SHISA8: variants seen among roughly 807,000 people sequenced by gnomAD.
SHISA8 encodes the protein protein shisa-8.
In SHISA8, 21 loss-of-function variants were observed where a neutral mutation model predicts 21.1. The ratio of observed to expected loss-of-function variants is 0.99; its 90% CI spans 0.71 to 1.43. SHISA8 has a LOEUF of 1.43. Ranked by LOEUF, SHISA8 falls within the 40% of genes most tolerant of loss-of-function variation. The probability of loss-of-function intolerance (pLI) is 0.00; values close to 1 mark genes in which losing one functional copy is unlikely to be tolerated. For missense variants in SHISA8, 535 were observed against 599.1 expected (o/e 0.89, Z 1.12); for synonymous variants, 300 against 291.4 (o/e 1.03, Z -0.30).
intron 1 of SHISA8, among the ~76,000 whole-genome samples, chr22:41,912,686 A>G (rs1171188916): frequency 1.3e-5 from 2 of 152,134 alleles, no homozygotes; most frequent in Non-Finnish European, 2.9e-5. Flanking sequence ...ACACACCCAC[A>G]CACAAGCCTA....
At chr22:41,913,461 A>G (rs2077564615) in intron 1 of SHISA8, among the ~76,000 whole-genome samples, 1 of 152,182 alleles carries the variant, frequency 6.6e-6, no homozygotes, top group African/African-American at 2.4e-5. Context: ...GTTCCAACCG[A>G]GGAAGGGGAC....
rs2077537592 is a variant in SHISA8 at position 41,910,018 on chromosome 22, G to C, written c.941C>G (p.Pro314Arg). ...CGGCGCGGCAGGGGGCGCGTAGACCGGCGGGGCCCAGGGGCAGGCGTCCAG... is the reference window on the plus strand; with the variant it reads ...CGGCGCGGCAGGGGGCGCGTAGACCCGCGGGGCCCAGGGGCAGGCGTCCAG... Reference protein sequence around the residue: ...APLDACPWAPPVYAPPAAPGP... With the variant: ...APLDACPWAPRVYAPPAAPGP... Residue 314 changes from proline to arginine, a missense_variant, in exon 4 of 4, where the codon CCG (proline) becomes CGG (arginine). By Grantham distance (103) the Pro-to-Arg change is moderately radical. Transcript: ENST00000621082. The surrounding 1 kb of genome is among the most constrained non-coding windows in gnomAD (Gnocchi z 6.8). 7.0e-6 allele frequency: 9 copies of C among 1,277,154 alleles called. No homozygotes were observed. The highest frequency in any genetic ancestry group is 8.8e-6 in the Non-Finnish European group (9 of 1,019,266). 79.1% of individuals were successfully genotyped at this position (1,277,154 alleles called of 1,614,324 possible). A position where few individuals can be genotyped will look rare whatever the true frequency, so the allele number is the denominator to read the frequency against.
Position 41,910,586 on chromosome 22 carries a change from GA to G in SHISA8, c.665-33del. ...CGAGGAGTGAGACGCGGCTCGGTCC[GA>G]TGCCCCGGTTCACTCCGCCCTCGCT... On this transcript the variant is annotated intron_variant, in intron 2 of 3. Transcript: ENST00000621082. This position sits in a 1 kb window ranked among gnomAD's most constrained non-coding sequence, Gnocchi z 6.8. 1 of 1,218,814 alleles carries G rather than the reference GA, an allele frequency of 8.2e-7. No homozygotes were observed. Among genetic ancestry groups the G allele is most frequent in the East Asian group, 3.3e-5 (1 of 30,360 alleles). The allele number at this position is 1,218,814 out of a possible 1,614,324, so 75.5% of individuals were successfully genotyped here.
Position 41,909,623 on chromosome 22 carries a change from G to A in SHISA8, c.*142C>T. The A allele has an allele frequency of 1.5e-5, 17 of 1,145,564 alleles. No individual in the cohort carries two copies. The highest frequency in any genetic ancestry group is 3.2e-5 in the African/African-American group (2 of 61,888). 71.0% of individuals were successfully genotyped at this position (1,145,564 alleles called of 1,614,324 possible). ...GGGCTTATTTACAAGACGAACCCGC[G>A]GCCTGCAGGCTCCAAGACACCACTG... On this transcript the variant is annotated 3_prime_UTR_variant, in exon 4 of 4. Coordinates refer to ENST00000621082, the MANE Select transcript of SHISA8 (RefSeq NM_001207020.3).
In SHISA8 at chr22:41,914,406, A is replaced by G; in HGVS notation, c.262T>C (p.Cys88Arg). The part of the protein sequence containing the change: ...SGAYSFCCGT[C>R]GYRFCCHDGP... ...TCGTGGCAGCAGAAGCGGTAGCCGC[A>G]CGTGCCGCAGCAGAAGCTGTAGGCT... Residue 88 changes from cysteine (C) to arginine (R), a missense_variant, in exon 1 of 4, where the codon TGC becomes CGC. Coordinates refer to ENST00000621082, the MANE Select transcript of SHISA8 (RefSeq NM_001207020.3). The surrounding 1 kb of genome is among the most constrained non-coding windows in gnomAD (Gnocchi z 6.8). 1 of 1,335,008 alleles carries G rather than the reference A, an allele frequency of 7.5e-7. No individual in the cohort carries two copies. The highest frequency in any genetic ancestry group is 9.6e-7 in the Non-Finnish European group (1 of 1,039,770). The allele number at this position is 1,335,008 out of a possible 1,614,324, so 82.7% of individuals were successfully genotyped here. A position where few individuals can be genotyped will look rare whatever the true frequency, so the allele number is the denominator to read the frequency against.
In SHISA8 at chr22:41,910,773, G is replaced by A. The variant is rs2077547076; in HGVS notation, c.665-219C>T. On this transcript the variant is annotated intron_variant, in intron 2 of 3. Coordinates refer to ENST00000621082, the MANE Select transcript of SHISA8 (RefSeq NM_001207020.3). The surrounding 1 kb of genome is among the most constrained non-coding windows in gnomAD (Gnocchi z 6.8). ...CGCAGCGGCGGCGGCAGCCAGCCCGGGGGGTGCCACCCTCATGAACGGCTC... is the reference window on the plus strand; with the variant it reads ...CGCAGCGGCGGCGGCAGCCAGCCCGAGGGGTGCCACCCTCATGAACGGCTC... Among the ~76,000 whole-genome samples the A allele has an allele frequency of 6.6e-6, 1 of 152,134 alleles. No individual in the cohort carries two copies. Among genetic ancestry groups the A allele is most frequent in the Non-Finnish European group, 1.5e-5 (1 of 68,010 alleles).
In SHISA8 at chr22:41,914,548, G is replaced by C; in HGVS notation, c.120C>G (p.Ala40=). The C allele has an allele frequency of 4.2e-6, 5 of 1,194,078 alleles. No individual in the cohort carries two copies. Among genetic ancestry groups the C allele is most frequent in the Non-Finnish European group, 5.2e-6 (5 of 964,370 alleles). The allele number at this position is 1,194,078 out of a possible 1,614,324, so 74.0% of individuals were successfully genotyped here. The change falls in exon 1 of 4, where the codon GCC becomes GCG. Residue 40 remains alanine, a synonymous_variant. Coordinates refer to ENST00000621082, the MANE Select transcript of SHISA8 (RefSeq NM_001207020.3). The surrounding 1 kb of genome is among the most constrained non-coding windows in gnomAD (Gnocchi z 6.8). ...LARPPSGRAG[A]PEAQGPAAPG... is the part of the protein sequence containing the mutation. ...GCGCCGCGGGACCCTGCGCCTCGGG[G>C]GCTCCCGCGCGGCCCGACGGCGGCC...
Position 41,910,379 on chromosome 22 carries a change from C to T in SHISA8, c.811+29G>A, listed in dbSNP as rs567670185. 575 of 1,282,646 alleles carry T rather than the reference C, an allele frequency of 4.5e-4. 4 individuals are homozygous for T. The African/African-American group carries it at 8.0e-3, about 18-fold the overall frequency. 79.5% of individuals were successfully genotyped at this position (1,282,646 alleles called of 1,614,324 possible). On this transcript the variant is annotated intron_variant, in intron 3 of 3. Coordinates refer to ENST00000621082, the MANE Select transcript of SHISA8 (RefSeq NM_001207020.3). This position sits in a 1 kb window ranked among gnomAD's most constrained non-coding sequence, Gnocchi z 6.8. Reference sequence around the variant, plus strand: ...GTCCGGGAGCTCGTGCGCCCAGGTGCCCTGACGCTGCCCGCACCCGCCACT... The same window carrying T: ...GTCCGGGAGCTCGTGCGCCCAGGTGTCCTGACGCTGCCCGCACCCGCCACT...
chr22:41,914,238 C>A lies in SHISA8; in HGVS notation c.430G>T (p.Ala144Ser), dbSNP rs1000023058. The A allele has an allele frequency of 1.1e-5, 15 of 1,392,394 alleles. No individual in the cohort carries two copies. The African/African-American group carries it at 2.3e-4, about 21-fold the overall frequency. The allele number at this position is 1,392,394 out of a possible 1,614,324, so 86.3% of individuals were successfully genotyped here. The change falls in exon 1 of 4, where the codon GCT becomes TCT. Residue 144 changes from alanine to serine, a missense_variant. Physicochemically the swap from Ala to Ser is moderately conservative, Grantham distance 99 (BLOSUM62 1). Transcript: ENST00000621082. This position sits in a 1 kb window ranked among gnomAD's most constrained non-coding sequence, Gnocchi z 6.8. ...GRERSHTAVYAVCGVAALLVL... is the reference protein window; with the variant it reads ...GRERSHTAVYSVCGVAALLVL... ...AGCAGCGCTGCGACGCCGCACACAG[C>A]GTAGACGGCCGTATGGCTGCGCTCG...
chr22:41,909,585 GA>G lies in SHISA8; in HGVS notation c.*179del. The G allele has an allele frequency of 1.3e-6, 1 of 757,916 alleles. No homozygotes were observed. Among genetic ancestry groups the G allele is most frequent in the Non-Finnish European group, 1.8e-6 (1 of 541,846 alleles). 46.9% of individuals were successfully genotyped at this position (757,916 alleles called of 1,614,324 possible). On this transcript the variant is annotated 3_prime_UTR_variant, in exon 4 of 4. Transcript: ENST00000621082. ...GGGGCTTCTTTATTCTCAGGGGCAG[GA>G]ACCACATAAAAGGGCTTATTTACAA...
rs1012035708 is a variant in SHISA8 at position 41,910,052 on chromosome 22, G to C, written c.907C>G (p.Pro303Ala). Residue 303 changes from proline (P) to alanine (A), a missense_variant, in exon 4 of 4, where the codon CCT becomes GCT. Coordinates refer to ENST00000621082, the MANE Select transcript of SHISA8 (RefSeq NM_001207020.3). This position sits in a 1 kb window ranked among gnomAD's most constrained non-coding sequence, Gnocchi z 6.8. Reference sequence around the variant, plus strand: ...CAGGGGCAGGCGTCCAGCGGCGCAGGCAAGTCCGGGGATGGTCGCGGAGCC... The same window carrying C: ...CAGGGGCAGGCGTCCAGCGGCGCAGCCAAGTCCGGGGATGGTCGCGGAGCC... ...ARAPRPSPDL[P>A]APLDACPWAP... 48 of 1,254,914 alleles carry C rather than the reference G, an allele frequency of 3.8e-5. No individual in the cohort carries two copies. The highest frequency in any genetic ancestry group is 2.3e-5 in the Non-Finnish European group (23 of 1,005,066). The allele number at this position is 1,254,914 out of a possible 1,614,324, so 77.7% of individuals were successfully genotyped here.
rs538501435 is a variant in SHISA8 at position 41,911,072 on chromosome 22, G to T, written c.664+144C>A. On this transcript the variant is annotated intron_variant, in intron 2 of 3. Coordinates refer to ENST00000621082, the MANE Select transcript of SHISA8 (RefSeq NM_001207020.3). ...CCCTTTCCACCCTGGCGAGCTGGCT[G>T]GCCGGTCGGGCCCCTCACCCGCAGA... 790 of 1,099,512 alleles carry T rather than the reference G, an allele frequency of 7.2e-4. 7 individuals are homozygous for T. In the African/African-American group the frequency reaches 0.011, roughly 16 times the overall value. 68.1% of individuals were successfully genotyped at this position (1,099,512 alleles called of 1,614,324 possible).
chr22:41,911,153 C>T, intron 2 of SHISA8, 63 bp downstream of exon 2: 5 of 1,251,638 alleles, frequency 4.0e-6, no homozygotes, highest in Non-Finnish European at 4.0e-6. Flanking sequence ...GGGACCGCCT[C>T]TCGGCCTCTC....
At chr22:41,913,949 G>A (rs2077567386) in intron 1 of SHISA8, among the ~76,000 whole-genome samples, 189 bp downstream of exon 1, 1 of 151,550 alleles carries the variant, frequency 6.6e-6, no homozygotes, top group Non-Finnish European at 1.5e-5. Flanking sequence ...GAAGGTCAAA[G>A]GGAGTCAGGG....
intron 1 of SHISA8, among the ~76,000 whole-genome samples, chr22:41,913,189 C>G (rs12160879): frequency 0.072 from 10,994 of 152,308 alleles, 1,287 homozygotes; most frequent in African/African-American, 0.25. Flanking sequence ...CAAGGAAGCC[C>G]TCACCCCCTG....
Position 41,914,295 on chromosome 22 carries a change from G to A in SHISA8, c.373C>T (p.Arg125Cys). 3 of 1,251,778 alleles carry A rather than the reference G, an allele frequency of 2.4e-6. No homozygotes were observed. Among genetic ancestry groups the A allele is most frequent in the Non-Finnish European group, 3.0e-6 (3 of 1,001,520 alleles). The allele number at this position is 1,251,778 out of a possible 1,614,324, so 77.5% of individuals were successfully genotyped here. Reference sequence around the variant, plus strand: ...GGGTCCCGGGGCGCTGCGGTGTCGCGGGCGCGGGCGGGCGGCCGGCCTGTC... The same window carrying A: ...GGGTCCCGGGGCGCTGCGGTGTCGCAGGCGCGGGCGGGCGGCCGGCCTGTC... ...VQTGRPPARA[R>C]DTAAPRDPGR... The change falls in exon 1 of 4, where the codon CGC (arginine) becomes TGC (cysteine). Residue 125 changes from arginine to cysteine, a missense_variant. Transcript: ENST00000621082. This position sits in a 1 kb window ranked among gnomAD's most constrained non-coding sequence, Gnocchi z 6.8.
rs1475159753 is a variant in SHISA8, at chr22:41,910,594, G to A, written c.665-40C>T. On this transcript the variant is annotated intron_variant, in intron 2 of 3. Transcript: ENST00000621082. The surrounding 1 kb of genome is among the most constrained non-coding windows in gnomAD (Gnocchi z 6.8). The stretch of plus-strand genomic sequence containing the variant: ...GAGACGCGGCTCGGTCCGATGCCCC[G>A]GTTCACTCCGCCCTCGCTGTCACCT... 50 of 1,215,198 alleles carry A rather than the reference G, an allele frequency of 4.1e-5. No homozygotes were observed. The highest frequency in any genetic ancestry group is 6.7e-5 in the East Asian group (2 of 30,036). The allele number at this position is 1,215,198 out of a possible 1,614,324, so 75.3% of individuals were successfully genotyped here.
rs2077544827 is a variant in SHISA8, at chr22:41,910,604, G to A, written c.665-50C>T. ...TCGGTCCGATGCCCCGGTTCACTCC[G>A]CCCTCGCTGTCACCTCTCCGTAGTC... On this transcript the variant is annotated intron_variant, in intron 2 of 3. Coordinates refer to ENST00000621082, the MANE Select transcript of SHISA8 (RefSeq NM_001207020.3). The surrounding 1 kb of genome is among the most constrained non-coding windows in gnomAD (Gnocchi z 6.8). The A allele has an allele frequency of 8.2e-7, 1 of 1,215,240 alleles. No individual in the cohort carries two copies. The highest frequency in any genetic ancestry group is 1.0e-6 in the Non-Finnish European group (1 of 976,738). The allele number at this position is 1,215,240 out of a possible 1,614,324, so 75.3% of individuals were successfully genotyped here. A position where few individuals can be genotyped will look rare whatever the true frequency, so the allele number is the denominator to read the frequency against.
intron 1 of SHISA8, among the ~76,000 whole-genome samples, chr22:41,912,714 C>T (rs555112311): frequency 2.0e-5 from 3 of 152,296 alleles, no homozygotes; most frequent in South Asian, 4.1e-4. Context: ...TTCCAGGTCT[C>T]CCCAGCAGAG....
Sources: gnomAD v4.1 joint callset for allele counts (sites outside exome capture counted in the v4.1 genomes callset) on GRCh38, gnomAD v4.1.1 for gene constraint, Gnocchi (gnomAD v3.1) non-coding constraint, MANE v1.5 for transcripts, NCBI Gene and HGNC (gene_info 2026-07-23, HGNC 2026-07-21) for gene names.